Variants in OR6N1 observed in about 807,000 individuals in gnomAD.
The protein encoded by OR6N1 is olfactory receptor 6N1.
For synonymous variants in OR6N1, 170 were observed against 150.7 expected (o/e 1.13, Z -0.94); for missense variants, 394 against 371.7 (o/e 1.06, Z -0.49).
upstream of OR6N1, chr1:158,775,459 G>T (rs1657568701): frequency 6.6e-6 from 1 of 152,140 alleles, no homozygotes; most frequent in Non-Finnish European, 1.5e-5. Context: ...AGGCAGGGAA[G>T]AATTCCGTTT....
chr1:158,797,463 A>AT, the OR6N1 span, among the ~76,000 whole-genome samples: 2 of 152,058 alleles, frequency 1.3e-5, no homozygotes, highest in East Asian at 3.9e-4. Flanking sequence ...TCATCCTTCT[A>AT]TTTGGGTTCT....
intron 1 of OR6N1, 22 bp from the exon 2 acceptor site, chr1:158,766,722 A>G (rs1260203878): frequency 4.7e-6 from 7 of 1,491,864 alleles, no homozygotes; most frequent in Non-Finnish European, 6.4e-6. Context: ...GTGTGGAAGG[A>G]TAGGAAAGAA....
chr1:158,801,164 GGTGTGTGT>G, the OR6N1 span, among the ~76,000 whole-genome samples: 4,324 of 148,788 alleles, frequency 0.029, 191 homozygotes, highest in African/African-American at 0.1. Flanking sequence ...TGCACATACT[GGTGTGTGT>G]GTGTGTGTGT....
the OR6N1 span, chr1:158,831,357 A>G: frequency 6.6e-6 from 1 of 152,226 alleles, no homozygotes; most frequent in East Asian, 1.9e-4. Context: ...GGACAGTGTA[A>G]GAAGGCCATC....
At chr1:158,782,787 C>T in the OR6N1 span, among the ~76,000 whole-genome samples, 48 of 150,222 alleles carry the variant, frequency 3.2e-4, no homozygotes, top group Non-Finnish European at 2.7e-4. Context: ...CAGTGTTATA[C>T]GTAATTAGGA....
At chr1:158,790,682 G>A in the OR6N1 span, among the ~76,000 whole-genome samples, 3 of 152,174 alleles carry the variant, frequency 2.0e-5, no homozygotes, top group African/African-American at 7.2e-5. Flanking sequence ...GGGATTACAG[G>A]CGTGAGCCAC....
the OR6N1 span, among the ~76,000 whole-genome samples, chr1:158,822,773 T>A: frequency 6.6e-6 from 1 of 152,144 alleles, no homozygotes; most frequent in Non-Finnish European, 1.5e-5. Context: ...GAGAGGGCAT[T>A]CTTTTCTTGT....
At position 158,765,978 on chromosome 1, in the gene OR6N1, C is replaced by T; in HGVS notation, c.705G>A (p.Arg235=). ...VLRIPSAAGK[R]KAISTCASHF... is the part of the protein sequence containing the mutation. ...GGGAGGCACACGTGGAGATGGCCTT[C>T]CTCTTGCCGGCAGCTGAGGGAATTC... Residue 235 remains arginine, a synonymous_variant, in exon 2 of 2, where the codon AGG becomes AGA. Coordinates refer to ENST00000641846, the MANE Select transcript of OR6N1 (RefSeq NM_001005185.2). 6.2e-7 allele frequency: 1 copy of T among 1,614,166 alleles called. No individual in the cohort carries two copies. Among genetic ancestry groups the T allele is most frequent in the South Asian group, 1.1e-5 (1 of 91,088 alleles).
the OR6N1 span, among the ~76,000 whole-genome samples, chr1:158,783,740 C>A: frequency 0.017 from 2,514 of 152,026 alleles, 30 homozygotes; most frequent in Middle Eastern, 0.031. Context: ...TTTTCAACAC[C>A]ATCATTCAAT....
At chr1:158,828,985 C>T in the OR6N1 span, among the ~76,000 whole-genome samples, 1 of 152,186 alleles carries the variant, frequency 6.6e-6, no homozygotes, top group African/African-American at 2.4e-5. Flanking sequence ...CTACAGTAGC[C>T]CCCTTCAGCC....
the OR6N1 span, among the ~76,000 whole-genome samples, chr1:158,838,120 C>A: frequency 6.6e-6 from 1 of 151,828 alleles, no homozygotes; most frequent in Non-Finnish European, 1.5e-5. Flanking sequence ...AAAATGATTA[C>A]AAATCAAAAT....
At chr1:158,812,366 AG>A in the OR6N1 span, among the ~76,000 whole-genome samples, 1 of 152,266 alleles carries the variant, frequency 6.6e-6, no homozygotes. Flanking sequence ...AAGAGATAAA[AG>A]TGGAAGTGTT....
the OR6N1 span, among the ~76,000 whole-genome samples, chr1:158,827,194 G>A: frequency 1.3e-5 from 2 of 152,132 alleles, no homozygotes; most frequent in Admixed American, 6.5e-5. Context: ...TTCTTCCACT[G>A]CACTCAATTC....
At chr1:158,776,078 A>C (rs1163416055), upstream of OR6N1, 1 of 152,230 alleles carries the variant, frequency 6.6e-6, no homozygotes, top group East Asian at 1.9e-4. Flanking sequence ...ATAGCACGGC[A>C]GGACAACGAA....
the OR6N1 span, among the ~76,000 whole-genome samples, chr1:158,825,366 G>A: frequency 6.6e-6 from 1 of 151,930 alleles, no homozygotes; most frequent in Non-Finnish European, 1.5e-5. Flanking sequence ...GTGAACCCAG[G>A]AGGCAGAGCT....
chr1:158,770,779 C>T (rs941579133), intron 1 of OR6N1, among the ~76,000 whole-genome samples: 12 of 152,344 alleles, frequency 7.9e-5, no homozygotes, highest in Non-Finnish European at 1.6e-4. Flanking sequence ...TCTTCTCACT[C>T]ATAAAGGAAT....
chr1:158,779,304 T>C, the OR6N1 span, among the ~76,000 whole-genome samples: 1 of 132,144 alleles, frequency 7.6e-6, no homozygotes, highest in African/African-American at 2.9e-5. Flanking sequence ...ATACTGCAAT[T>C]GAAGAGAACC....
chr1:158,773,122 A>T (rs753439988), upstream of OR6N1, among the ~76,000 whole-genome samples: 5 of 152,092 alleles, frequency 3.3e-5, no homozygotes, highest in Admixed American at 6.5e-5. Context: ...CCACACTTTC[A>T]ATATTCTTCA....
the OR6N1 span, among the ~76,000 whole-genome samples, chr1:158,801,972 G>A: frequency 6.6e-6 from 1 of 152,030 alleles, no homozygotes; most frequent in Non-Finnish European, 1.5e-5. Context: ...TCATGTTCCT[G>A]GAAATGCTGA....
Sources: allele counts gnomAD v4.1 joint callset (sites outside exome capture counted in the v4.1 genomes callset), GRCh38; gene constraint gnomAD v4.1.1; transcripts MANE v1.5; gene names NCBI Gene and HGNC (gene_info 2026-07-23, HGNC 2026-07-21).